CMIP: variants seen among roughly 807,000 people sequenced by gnomAD.
CMIP encodes C-Maf-inducing protein.
A neutral mutation model predicts 97.3 loss-of-function variants in CMIP; 13 were observed. That is an observed-to-expected ratio of 0.13 (90% CI 0.09 to 0.21). The LOEUF is 0.21. CMIP is among the 10% of genes least tolerant of loss of function. CMIP has a pLI of 1.00. For synonymous variants in CMIP, 538 were observed against 436.3 expected, an observed-to-expected ratio of 1.23 and a Z score of -2.91; for missense variants, 847 against 1,024.9, an observed-to-expected ratio of 0.83 and a Z score of 2.37.
chr16:81,506,742 G>A (rs778295588), intron 1 of CMIP, among the ~76,000 whole-genome samples: 10 of 151,708 alleles, frequency 6.6e-5, no homozygotes, highest in Non-Finnish European at 1.3e-4. Context: ...GTGAAACCCC[G>A]TCTCTACTAA....
intron 3 of CMIP, chr16:81,645,604 G>A (rs1045815234): frequency 1.0e-5 from 16 of 1,535,898 alleles, no homozygotes; most frequent in East Asian, 4.9e-5. Flanking sequence ...CCCAGGTAAC[G>A]TCCCTTCCTT....
intron 1 of CMIP, among the ~76,000 whole-genome samples, chr16:81,556,137 G>A (rs922507177): frequency 6.6e-6 from 1 of 152,152 alleles, no homozygotes; most frequent in African/African-American, 2.4e-5. Context: ...TGAGGCCAGA[G>A]ATCTCAGGAG....
At chr16:81,574,956 C>G (rs1470771347) in intron 1 of CMIP, among the ~76,000 whole-genome samples, 2 of 152,220 alleles carry the variant, frequency 1.3e-5, no homozygotes, top group African/African-American at 4.8e-5. Context: ...TTCTCTTGTT[C>G]TGAGCTCTTG....
At chr16:81,474,571 A>C (rs1181617617) in intron 1 of CMIP, among the ~76,000 whole-genome samples, 1 of 152,186 alleles carries the variant, frequency 6.6e-6, no homozygotes, top group African/African-American at 2.4e-5. Flanking sequence ...GAGTCAGGTC[A>C]GAGGAGCAGG....
chr16:81,530,391 G>A (rs950044379), intron 1 of CMIP, among the ~76,000 whole-genome samples: 38 of 152,170 alleles, frequency 2.5e-4, no homozygotes, highest in South Asian at 4.2e-4. Context: ...CCTCTGTTGC[G>A]CTGCAAGGTG....
chr16:81,645,751 A>G (rs2092357605), intron 3 of CMIP: 2 of 780,186 alleles, frequency 2.6e-6, no homozygotes, highest in Non-Finnish European at 4.3e-6. Flanking sequence ...CCTGAGTTCT[A>G]CCTCCCTGGA....
At chr16:81,493,577 C>T (rs981382609) in intron 1 of CMIP, among the ~76,000 whole-genome samples, 5 of 152,238 alleles carry the variant, frequency 3.3e-5, no homozygotes, top group Admixed American at 3.3e-4. Context: ...ATGGCGCAAG[C>T]CACCCGGGCC....
intron 1 of CMIP, among the ~76,000 whole-genome samples, chr16:81,487,382 G>A (rs1201778125): frequency 2.0e-5 from 3 of 152,224 alleles, no homozygotes; most frequent in Non-Finnish European, 4.4e-5. Flanking sequence ...GCCGAGTGGG[G>A]CTCTGACTGC....
rs1904654579 is a variant in CMIP at position 81,679,554 on chromosome 16, G to A, written c.1388+926G>A. Among the ~76,000 whole-genome samples the A allele has an allele frequency of 2.0e-5, 3 of 152,176 alleles. No homozygotes were observed. In the South Asian group the frequency reaches 6.2e-4, roughly 32 times the overall value. ...GAGTGTGTGAGTCTGTCTTGGGTAT[G>A]TGGCTGTGCGTATTTGTGCCGTGTG... On this transcript the variant is annotated intron_variant, in intron 10 of 20. Coordinates refer to ENST00000537098, the MANE Select transcript of CMIP (RefSeq NM_198390.3).
At chr16:81,663,718 G>A (rs1454301138) in intron 6 of CMIP, among the ~76,000 whole-genome samples, 2 of 152,202 alleles carry the variant, frequency 1.3e-5, no homozygotes, top group Non-Finnish European at 2.9e-5. Flanking sequence ...ACACCGCACG[G>A]TCCTTTGGGG....
Position 81,499,246 on chromosome 16 carries a change from C to T in CMIP, c.300+53705C>T, listed in dbSNP as rs768112791. Among the ~76,000 whole-genome samples, 67 of 152,144 alleles carry T rather than the reference C, an allele frequency of 4.4e-4. 1 individual carries two copies. The highest frequency in any genetic ancestry group is 2.2e-3 in the Admixed American group (33 of 15,280). ...ACCCCCTCACCGTATACACATATGGCCATGAGCACTCAATCTCAAGGTCAT... is the reference window on the plus strand; with the variant it reads ...ACCCCCTCACCGTATACACATATGGTCATGAGCACTCAATCTCAAGGTCAT... On this transcript the variant is annotated intron_variant, in intron 1 of 20. Coordinates refer to ENST00000537098, the MANE Select transcript of CMIP (RefSeq NM_198390.3).
intron 1 of CMIP, among the ~76,000 whole-genome samples, chr16:81,554,026 G>C (rs1222378033): frequency 2.0e-5 from 3 of 152,198 alleles, no homozygotes; most frequent in Non-Finnish European, 4.4e-5. Flanking sequence ...AGGAAGGCGA[G>C]GCTGCCCTGT....
intron 9 of CMIP, among the ~76,000 whole-genome samples, chr16:81,673,438 C>G (rs1296097548): frequency 6.6e-6 from 1 of 152,104 alleles, no homozygotes; most frequent in East Asian, 1.9e-4. Context: ...ATAGCTTGAA[C>G]CTGGGAGGCA....
At chr16:81,683,174 C>T (rs1283128363) in intron 10 of CMIP, among the ~76,000 whole-genome samples, 3 of 152,216 alleles carry the variant, frequency 2.0e-5, no homozygotes, top group Non-Finnish European at 4.4e-5. Flanking sequence ...GTGCTAAGAG[C>T]AGTGACATCA....
intron 1 of CMIP, among the ~76,000 whole-genome samples, chr16:81,482,944 C>T (rs777950990): frequency 2.0e-5 from 3 of 152,226 alleles, no homozygotes; most frequent in Non-Finnish European, 4.4e-5. Context: ...GGTGGCGCGT[C>T]CACTGTGCAC....
chr16:81,615,020 T>A (rs1450872343), intron 2 of CMIP, among the ~76,000 whole-genome samples: 3 of 139,036 alleles, frequency 2.2e-5, no homozygotes, highest in Non-Finnish European at 4.8e-5. Context: ...TGTCTCTGTG[T>A]GTATATGGTG....
chr16:81,517,935 G>C, intron 1 of CMIP: 1 of 984,222 alleles, frequency 1.0e-6, no homozygotes, highest in Middle Eastern at 5.2e-4. Context: ...GAGATTCAAG[G>C]ATTTTCTAGG....
intron 1 of CMIP, among the ~76,000 whole-genome samples, chr16:81,567,545 C>G (rs1052464832): frequency 6.6e-6 from 1 of 152,236 alleles, no homozygotes; most frequent in Non-Finnish European, 1.5e-5. Context: ...CTCTGGGCCT[C>G]AGTTTCCACT....
At chr16:81,492,093 A>G (rs549596207) in intron 1 of CMIP, among the ~76,000 whole-genome samples, 15 of 152,196 alleles carry the variant, frequency 9.9e-5, no homozygotes, top group African/African-American at 3.6e-4. Flanking sequence ...TTTCCTTTTG[A>G]TGATGAAAGA....
Sources: gnomAD v4.1 joint callset for allele counts (sites outside exome capture counted in the v4.1 genomes callset) on GRCh38, gnomAD v4.1.1 for gene constraint, MANE v1.5 for transcripts, NCBI Gene and HGNC (gene_info 2026-07-23, HGNC 2026-07-21) for gene names.